Variants in ZNF534 observed in about 807,000 individuals in gnomAD.
ZNF534 encodes the protein zinc finger protein 534.
In ZNF534, 19 loss-of-function variants were observed where a neutral mutation model predicts 13.6. The observed-to-expected ratio is 1.40, with a 90% CI of 0.97 to 2.05. The LOEUF (loss-of-function observed/expected upper bound fraction) is 2.05. ZNF534 is among the 30% of genes most tolerant of loss of function. ZNF534 has a pLI of 0.00. For synonymous variants in ZNF534, 244 were observed against 273.8 expected (o/e 0.89, Z 1.07); for missense variants, 782 against 796.3 (o/e 0.98, Z 0.22).
intron 4 of ZNF534, 76 bp downstream of exon 4, chr19:52,435,285 CTGG>C: frequency 6.8e-7 from 1 of 1,473,284 alleles, no homozygotes. Context: ...GTCATCCAGG[CTGG>C]AGTACAGTGG....
Position 52,442,103 on chromosome 19 carries a change from A to G in ZNF534, c.*2657A>G, listed in dbSNP as rs1429516635. 1.3e-5 allele frequency among the ~76,000 whole-genome samples: 2 copies of G among 152,252 alleles called. No homozygotes were observed. The highest frequency in any genetic ancestry group is 2.4e-5 in the African/African-American group (1 of 41,466). On this transcript the variant is annotated 3_prime_UTR_variant, in exon 5 of 5. Coordinates refer to ENST00000433050, the MANE Select transcript of ZNF534 (RefSeq NM_001143938.3). ...GGATTGTATATGCTGAGGATATCCAAGGACCATTACTATAGAACATGAAAA... is the reference window on the plus strand; with the variant it reads ...GGATTGTATATGCTGAGGATATCCAGGGACCATTACTATAGAACATGAAAA...
At position 52,441,972 on chromosome 19, in the gene ZNF534, A is replaced by G. The variant is rs2059175761; in HGVS notation, c.*2526A>G. On this transcript the variant is annotated 3_prime_UTR_variant, in exon 5 of 5. Coordinates refer to ENST00000433050, the MANE Select transcript of ZNF534 (RefSeq NM_001143938.3). ...AGCATTAATGAACATCAGAGGTTCC[A>G]TACTAAGGAGAAATCATATAAATGT... 6.6e-6 allele frequency among the ~76,000 whole-genome samples: 1 copy of G among 152,234 alleles called. No homozygotes were observed. The highest frequency in any genetic ancestry group is 6.5e-5 in the Admixed American group (1 of 15,282).
chr19:52,443,705 G>A (rs2059184550), downstream of ZNF534, among the ~76,000 whole-genome samples: 1 of 151,836 alleles, frequency 6.6e-6, no homozygotes, highest in African/African-American at 2.4e-5. Flanking sequence ...AGCCGAGATT[G>A]CGCCATTGCA....
At chr19:52,432,040 A>G (rs985711189) in intron 2 of ZNF534, among the ~76,000 whole-genome samples, 1 of 151,576 alleles carries the variant, frequency 6.6e-6, no homozygotes, top group Admixed American at 6.6e-5. Context: ...AGTTTTTATA[A>G]ATAGCATGTC....
Position 52,440,434 on chromosome 19 carries a change from T to A in ZNF534, c.*988T>A, listed in dbSNP as rs1224621401. Among the ~76,000 whole-genome samples, 1 of 152,222 alleles carries A rather than the reference T, an allele frequency of 6.6e-6. No individual in the cohort carries two copies. Among genetic ancestry groups the A allele is most frequent in the Non-Finnish European group, 1.5e-5 (1 of 68,040 alleles). ...ATTCATACTGTAGATACCTTTTAAA[T>A]GTAGCAAATATGGCAAAGTCAAAGT... On this transcript the variant is annotated 3_prime_UTR_variant, in exon 5 of 5. Coordinates refer to ENST00000433050, the MANE Select transcript of ZNF534 (RefSeq NM_001143938.3).
chr19:52,434,011 C>G lies in ZNF534; in HGVS notation c.72C>G (p.Cys24Trp). Residue 24 changes from cysteine to tryptophan, a missense_variant, in exon 3 of 5, where the codon TGC (cysteine) becomes TGG (tryptophan). Around this residue, in one of 5 missense-constraint regions of ZNF534, gnomAD observed 81 missense variants for 63.5 expected, o/e 1.28. Transcript: ENST00000433050. ...AATTCTCTCAGGAGGAGTGGAAATG[C>G]CTGGACCCTGGGCAGAAAGCTTTAT... ...AIEFSQEEWK[C>W]LDPGQKALYR... The G allele has an allele frequency of 6.2e-7, 1 of 1,614,102 alleles. No individual in the cohort carries two copies. The highest frequency in any genetic ancestry group is 8.5e-7 in the Non-Finnish European group (1 of 1,180,008).
At position 52,441,667 on chromosome 19, in the gene ZNF534, A is replaced by G. The variant is rs2059173381; in HGVS notation, c.*2221A>G. On this transcript the variant is annotated 3_prime_UTR_variant, in exon 5 of 5. Transcript: ENST00000433050. ...GGCTTTACTGCCCATCTTGTAATCCATACTGCAGACAAACCTTACAACTGT... is the reference window on the plus strand; with the variant it reads ...GGCTTTACTGCCCATCTTGTAATCCGTACTGCAGACAAACCTTACAACTGT... Among the ~76,000 whole-genome samples the G allele has an allele frequency of 6.6e-6, 1 of 152,248 alleles. No individual in the cohort carries two copies. Among genetic ancestry groups the G allele is most frequent in the African/African-American group, 2.4e-5 (1 of 41,472 alleles).
At position 52,438,124 on chromosome 19, in the gene ZNF534, A is replaced by T. The variant is rs1343445265; in HGVS notation, c.664A>T (p.Ile222Phe). The change falls in exon 5 of 5, where the codon ATC (isoleucine) becomes TTC (phenylalanine). Residue 222 changes from isoleucine (I) to phenylalanine (F), a missense_variant. Ile to Phe is a conservative substitution (Grantham distance 21, BLOSUM62 0). This residue lies in a region of ZNF534 where 591 missense variants were observed against 574.0 expected (regional missense o/e 1.03). Coordinates refer to ENST00000433050, the MANE Select transcript of ZNF534 (RefSeq NM_001143938.3). ...TTACAAATGTAGTGACTGTGGCGAGATCTTTAGTAGCAATTCAAACTTTGC... is the reference window on the plus strand; with the variant it reads ...TTACAAATGTAGTGACTGTGGCGAGTTCTTTAGTAGCAATTCAAACTTTGC... ...KTYKCSDCGE[I>F]FSSNSNFAQH... 1.5e-5 allele frequency: 24 copies of T among 1,613,936 alleles called. No individual in the cohort carries two copies. The highest frequency in any genetic ancestry group is 2.0e-5 in the Non-Finnish European group (24 of 1,179,982).
In ZNF534 at chr19:52,441,374, G is replaced by T. The variant is rs60186879; in HGVS notation, c.*1928G>T. On this transcript the variant is annotated 3_prime_UTR_variant, in exon 5 of 5. Transcript: ENST00000433050. The stretch of plus-strand genomic sequence containing the variant: ...CTACAAATAATAAAAAATTAGCCAG[G>T]TGTGTTGGTATATGCATGTATTCCC... 0.027 allele frequency among the ~76,000 whole-genome samples: 4,083 copies of T among 152,300 alleles called. 192 individuals are homozygous for T. The highest frequency in any genetic ancestry group is 0.093 in the African/African-American group (3,873 of 41,560).
chr19:52,433,909 A>C, intron 2 of ZNF534, 46 bp from the exon 3 acceptor site: 1 of 1,610,162 alleles, frequency 6.2e-7, no homozygotes, highest in South Asian at 1.1e-5. Context: ...TTTGAAGATA[A>C]GTACTCTCTC....
At chr19:52,443,718 C>T (rs2608506), downstream of ZNF534, among the ~76,000 whole-genome samples, 139,183 of 151,972 alleles carry the variant, frequency 0.92, 64,077 homozygotes, top group Non-Finnish European at 0.96. Context: ...CCATTGCACT[C>T]CAGCCTGGGT....
downstream of ZNF534, among the ~76,000 whole-genome samples, chr19:52,446,037 AAG>A (rs1399221037): frequency 1.3e-5 from 2 of 152,198 alleles, no homozygotes; most frequent in Non-Finnish European, 2.9e-5. Flanking sequence ...AATTATGAAA[AAG>A]AAGTGTTCCT....
intron 3 of ZNF534, among the ~76,000 whole-genome samples, chr19:52,434,746 G>GAA (rs2059117695): frequency 6.8e-6 from 1 of 147,866 alleles, no homozygotes; most frequent in African/African-American, 2.5e-5. Context: ...AAAAAAAAAA[G>GAA]AAAGAAATGT....
At chr19:52,435,924 ATT>A (rs1375133344) in intron 4 of ZNF534, among the ~76,000 whole-genome samples, 1,907 of 33,656 alleles carry the variant, frequency 0.057, 28 homozygotes, top group Middle Eastern at 0.17. Context: ...TGTTTTTCTT[ATT>A]TTTCTTCTTC....
chr19:52,437,380 C>T (rs556887552), intron 4 of ZNF534, among the ~76,000 whole-genome samples: 8 of 152,078 alleles, frequency 5.3e-5, no homozygotes, highest in East Asian at 3.9e-4. Context: ...GCGCTTTGGG[C>T]GGCTGAGGCA....
At position 52,451,163 on chromosome 19, in the gene ZNF534, C is replaced by A. The variant is rs903802975; in HGVS notation, c.272-24C>A. On this transcript the variant is annotated intron_variant, in intron 4 of 4. Coordinates refer to the ZNF534 transcript ENST00000301085. ...TGTAACCTTTCCACTTCTTTCATCA[C>A]TGTTTATAATTTTCTACCCATAGAT... The A allele has an allele frequency of 1.5e-5, 10 of 645,178 alleles. No individual in the cohort carries two copies. In the African/African-American group the frequency reaches 1.9e-4, roughly 12 times the overall value. The allele number at this position is 645,178 out of a possible 1,614,324, so 40.0% of individuals were successfully genotyped here.
chr19:52,450,689 TTGTTTTTG>T (rs1455684889), intron 4 of ZNF534, among the ~76,000 whole-genome samples: 2,281 of 25,278 alleles, frequency 0.09, 463 homozygotes, highest in South Asian at 0.14. Context: ...TTTTTTGTTT[TTGTTTTTG>T]TTTTTTTTTT....
exon 5 of ZNF534, chr19:52,451,548 G>A: frequency 1.7e-6 from 1 of 603,032 alleles, no homozygotes; most frequent in Non-Finnish European, 2.9e-6. Context: ...GAGGAGGGCG[G>A]CATGCAGCTC....
chr19:52,430,103 T>C (rs2059077490), intron 1 of ZNF534, among the ~76,000 whole-genome samples: 1 of 151,564 alleles, frequency 6.6e-6, no homozygotes, highest in South Asian at 2.1e-4. Context: ...GCAACCTCTG[T>C]CTCCTGGGTT....
Sources: allele counts gnomAD v4.1 joint callset (sites outside exome capture counted in the v4.1 genomes callset), GRCh38; gene constraint gnomAD v4.1.1; regional missense constraint gnomAD v4.1.1; transcripts MANE v1.5; gene names NCBI Gene and HGNC (gene_info 2026-07-23, HGNC 2026-07-21).